The following PGM1 variants were observed in gnomAD, a reference collection of about 807,000 sequenced individuals.
PGM1 encodes phosphoglucomutase-1.
Under a neutral mutation model 55.6 loss-of-function variants are expected in PGM1, and 52 were observed. The observed-to-expected ratio is 0.94, with a 90% CI of 0.75 to 1.18. The LOEUF (loss-of-function observed/expected upper bound fraction) is 1.18, where lower values mean the gene tolerates loss of function less well. Among genes scored for constraint, PGM1 ranks in the 50% most tolerant of loss-of-function variants. The pLI, the probability that PGM1 is intolerant of heterozygous loss-of-function variation, is 0.00. For missense variants in PGM1, 724 were observed against 729.3 expected, an observed-to-expected ratio of 0.99 and a Z score of 0.08; for synonymous variants, 287 against 271.7, an observed-to-expected ratio of 1.06 and a Z score of -0.55.
chr1:63,640,566 A>T (rs1264697710), intron 7 of PGM1, among the ~76,000 whole-genome samples: 1 of 152,192 alleles, frequency 6.6e-6, no homozygotes, highest in Non-Finnish European at 1.5e-5. Context: ...ATCATTTCGT[A>T]GTATGTACAG....
intron 1 of PGM1, among the ~76,000 whole-genome samples, chr1:63,608,861 C>T (rs1306079723): frequency 1.3e-5 from 2 of 152,060 alleles, no homozygotes; most frequent in African/African-American, 2.4e-5. Context: ...AAGTGGTATT[C>T]GAAAGAGTAA....
At chr1:63,649,979 A>G (rs186983751) in intron 8 of PGM1, among the ~76,000 whole-genome samples, 1 of 152,356 alleles carries the variant, frequency 6.6e-6, no homozygotes, top group East Asian at 1.9e-4. Context: ...CAGGTGAACA[A>G]TAGCCAGAGT....
chr1:63,647,254 TTTTACATATATATATATATATATATA>T (rs1280086060), intron 7 of PGM1, among the ~76,000 whole-genome samples: 1 of 47,266 alleles, frequency 2.1e-5, no homozygotes, highest in African/African-American at 6.3e-5. Context: ...AAAAATAAAA[TTTTACATATATATATATATATATATA>T]TATATATATA....
At chr1:63,642,425 C>A (rs1366871056) in intron 7 of PGM1, among the ~76,000 whole-genome samples, 1 of 152,136 alleles carries the variant, frequency 6.6e-6, no homozygotes, top group Non-Finnish European at 1.5e-5. Flanking sequence ...CAGGATAAGC[C>A]TGTTGTTGTT....
chr1:63,623,851 G>A, intron 1 of PGM1: 1 of 814,622 alleles, frequency 1.2e-6, no homozygotes, highest in Non-Finnish European at 1.9e-6. Flanking sequence ...TTTATATGTG[G>A]TATACACTTC....
chr1:63,624,851 TG>T (rs1648978667), intron 1 of PGM1, among the ~76,000 whole-genome samples: 1 of 152,204 alleles, frequency 6.6e-6, no homozygotes, highest in Non-Finnish European at 1.5e-5. Context: ...TTAAAGTGTT[TG>T]TAGATCCTGT....
At chr1:63,649,790 CA>C (rs1287447893) in intron 8 of PGM1, among the ~76,000 whole-genome samples, 1 of 151,874 alleles carries the variant, frequency 6.6e-6, no homozygotes, top group Non-Finnish European at 1.5e-5. Flanking sequence ...GGAACCAAGG[CA>C]AAAAAATCCC....
At chr1:63,646,015 A>G (rs757004184) in intron 7 of PGM1, among the ~76,000 whole-genome samples, 34 of 152,194 alleles carry the variant, frequency 2.2e-4, no homozygotes, top group South Asian at 4.1e-4. Context: ...AGGTTGCTAC[A>G]GGAGAAGAAA....
intron 8 of PGM1, among the ~76,000 whole-genome samples, chr1:63,649,723 G>A (rs757664505): frequency 1.3e-5 from 2 of 152,138 alleles, no homozygotes; most frequent in East Asian, 3.9e-4. Context: ...TCTCTCTCAC[G>A]TTACTGTTTT....
At chr1:63,619,361 A>T (rs1648825471) in intron 1 of PGM1, among the ~76,000 whole-genome samples, 2 of 152,188 alleles carry the variant, frequency 1.3e-5, no homozygotes, top group African/African-American at 4.8e-5. Context: ...TCTTCACAGT[A>T]GGAGAGGAAA....
intron 1 of PGM1, chr1:63,600,363 GGTTT>G (rs1326915835): frequency 6.6e-6 from 1 of 152,068 alleles, no homozygotes; most frequent in Non-Finnish European, 1.5e-5. Flanking sequence ...TGAGATAGAG[GGTTT>G]GTTTTGTTTT....
chr1:63,602,260 T>A (rs775002520), intron 1 of PGM1, among the ~76,000 whole-genome samples: 7 of 152,276 alleles, frequency 4.6e-5, no homozygotes, highest in Non-Finnish European at 8.8e-5. Context: ...TGAGAGTTTG[T>A]AAAAGGACCC....
chr1:63,598,312 TACAA>T (rs1648140859), intron 1 of PGM1, among the ~76,000 whole-genome samples: 1 of 152,106 alleles, frequency 6.6e-6, no homozygotes, highest in South Asian at 2.1e-4. Context: ...TAAAACAAAA[TACAA>T]ACCATTACAA....
chr1:63,601,992 G>A (rs1211060800), intron 1 of PGM1, among the ~76,000 whole-genome samples: 1 of 152,142 alleles, frequency 6.6e-6, no homozygotes, highest in Non-Finnish European at 1.5e-5. Flanking sequence ...TTCTCTATGA[G>A]TACCCCAAAG....
chr1:63,596,083 G>T (rs918481730), intron 1 of PGM1, among the ~76,000 whole-genome samples: 3 of 151,948 alleles, frequency 2.0e-5, no homozygotes, highest in African/African-American at 7.3e-5. Context: ...ATCTTATTTG[G>T]CCTTTCTGCT....
chr1:63,596,784 G>T (rs906482189), intron 1 of PGM1, among the ~76,000 whole-genome samples: 11 of 152,190 alleles, frequency 7.2e-5, no homozygotes, highest in South Asian at 4.1e-4. Context: ...GAAATTTTCC[G>T]TTTACATGTC....
intron 4 of PGM1, among the ~76,000 whole-genome samples, chr1:63,633,503 A>G (rs1649253009): frequency 1.3e-5 from 2 of 152,090 alleles, no homozygotes; most frequent in Admixed American, 6.6e-5. Context: ...TTTATTCTAC[A>G]GTGTTATGAC....
intron 1 of PGM1, chr1:63,599,835 G>A (rs969287371): frequency 1.3e-5 from 2 of 152,142 alleles, no homozygotes; most frequent in Admixed American, 1.3e-4. Context: ...GGTGGGCTTT[G>A]AACAATTGTT....
intron 10 of PGM1, among the ~76,000 whole-genome samples, chr1:63,658,597 A>G (rs992911496): frequency 2.6e-5 from 4 of 152,010 alleles, no homozygotes; most frequent in Admixed American, 6.5e-5. Context: ...TACTAAAAAT[A>G]CAAAATTAGC....
Sources: allele counts gnomAD v4.1 joint callset (sites outside exome capture counted in the v4.1 genomes callset), GRCh38; gene constraint gnomAD v4.1.1; transcripts MANE v1.5; gene names NCBI Gene and HGNC (gene_info 2026-07-23, HGNC 2026-07-21).